PHF8: variants seen among roughly 807,000 people sequenced by gnomAD.
PHF8 encodes histone lysine demethylase PHF8.
Under a neutral mutation model 74.4 loss-of-function variants are expected in PHF8, and 9 were observed. The ratio of observed to expected loss-of-function variants is 0.12; its 90% confidence interval spans 0.07 to 0.21. The LOEUF (loss-of-function observed/expected upper bound fraction) is 0.21. Ranked by LOEUF, PHF8 falls within the 10% of genes least tolerant of loss-of-function variation. The pLI is 1.00. For synonymous variants in PHF8, 311 were observed against 316.6 expected, an observed-to-expected ratio of 0.98 and a Z score of 0.19; for missense variants, 478 against 816.6, an observed-to-expected ratio of 0.59 and a Z score of 5.05.
chrX:53,980,429 G>A (rs782687114), intron 18 of PHF8, among the ~76,000 whole-genome samples: 79 of 110,877 alleles, frequency 7.1e-4, no homozygotes, highest in African/African-American at 2.2e-3. Flanking sequence ...GCAGCAAGAC[G>A]AAGGCCATCT....
chrX:54,009,304 T>A (rs1378656036), intron 8 of PHF8, among the ~76,000 whole-genome samples: 18 of 111,639 alleles, frequency 1.6e-4, no homozygotes, highest in African/African-American at 5.9e-4. Flanking sequence ...ATATTTAAGA[T>A]GTATCTCAAT....
At chrX:54,025,323 C>T (rs1557111192) in intron 2 of PHF8, among the ~76,000 whole-genome samples, 1 of 110,836 alleles carries the variant, frequency 9.0e-6, no homozygotes, top group African/African-American at 3.3e-5. Context: ...TGCACATTCT[C>T]CCATACCCTC....
At chrX:53,988,078 G>A (rs1490026870) in intron 14 of PHF8, 134 bp from the exon 15 acceptor site, 2 of 542,070 alleles carry the variant, frequency 3.7e-6, no homozygotes, top group Non-Finnish European at 6.2e-6. Flanking sequence ...TAAATAAAAA[G>A]CTGATAGTAA....
In PHF8 at chrX:53,938,921, A is replaced by G; in HGVS notation, c.*237T>C. On this transcript the variant is annotated 3_prime_UTR_variant, in exon 22 of 22. Transcript: ENST00000338154. Reference sequence around the variant, plus strand: ...GAAAAGAGGGTTCTAGTCAGCTGGAAACCTCTCCCATTTACCTGCTCCTCA... The same window carrying G: ...GAAAAGAGGGTTCTAGTCAGCTGGAGACCTCTCCCATTTACCTGCTCCTCA... The G allele has an allele frequency of 1.0e-6, 1 of 969,959 alleles. No homozygotes were observed. The allele number at this position is 969,959 out of a possible 1,213,427, so 79.9% of individuals were successfully genotyped here.
intron 2 of PHF8, among the ~76,000 whole-genome samples, chrX:54,037,000 T>TAAAAA (rs56902207): frequency 6.0e-4 from 38 of 63,115 alleles, no homozygotes; most frequent in East Asian, 2.4e-3. Flanking sequence ...TCAGAAAAAA[T>TAAAAA]AAAAAAAAAA....
Position 54,017,704 on chromosome X carries a change from C to T in PHF8, c.411G>A (p.Leu137=), listed in dbSNP as rs782510193. The part of the protein sequence containing the change: ...VLKKDGLGMT[L]PSPSFTVRDV... Reference sequence around the variant, plus strand: ...CCCTCACAGTGAATGATGGCGAGGGCAGCGTCATGCCCAACCCATCCTTCT... The same window carrying T: ...CCCTCACAGTGAATGATGGCGAGGGTAGCGTCATGCCCAACCCATCCTTCT... Residue 137 remains leucine (L), a synonymous_variant, in exon 5 of 22, where the codon CTG becomes CTA. Transcript: ENST00000338154. 2.5e-6 allele frequency: 3 copies of T among 1,207,148 alleles called. No individual in the cohort carries two copies. In the South Asian group the frequency reaches 5.3e-5, roughly 21 times the overall value.
intron 19 of PHF8, among the ~76,000 whole-genome samples, chrX:53,945,324 G>A (rs1198996478): frequency 6.0e-5 from 6 of 100,425 alleles, no homozygotes; most frequent in Admixed American, 1.1e-4. Context: ...CAGCCTGGGC[G>A]ACACAGCAAG....
At chrX:54,019,043 CATATAGAAATTAA>C (rs1258537499) in intron 4 of PHF8, among the ~76,000 whole-genome samples, 1 of 111,881 alleles carries the variant, frequency 8.9e-6, no homozygotes, top group Non-Finnish European at 1.9e-5. Context: ...TAAACTTAAC[CATATAGAAATTAA>C]AATTTTCTCC....
chrX:54,026,215 A>G (rs1181590721), intron 2 of PHF8, among the ~76,000 whole-genome samples: 1 of 109,959 alleles, frequency 9.1e-6, no homozygotes, highest in Non-Finnish European at 1.9e-5. Flanking sequence ...TTAGCTGGGA[A>G]TGGTGGTGGG....
At chrX:53,998,092 C>T (rs1391007910) in intron 11 of PHF8, among the ~76,000 whole-genome samples, 2 of 111,675 alleles carry the variant, frequency 1.8e-5, no homozygotes, top group African/African-American at 3.3e-5. Flanking sequence ...AAAGTTAATT[C>T]GTTCACATAG....
At chrX:53,956,582 G>A (rs2065016433) in intron 19 of PHF8, among the ~76,000 whole-genome samples, 1 of 111,112 alleles carries the variant, frequency 9.0e-6, no homozygotes, top group South Asian at 3.8e-4. Flanking sequence ...CTCTGAATAT[G>A]CAAACAAATG....
intron 18 of PHF8, among the ~76,000 whole-genome samples, chrX:53,966,595 C>T (rs2065191868): frequency 1.8e-5 from 2 of 111,913 alleles, no homozygotes; most frequent in East Asian, 2.8e-4. Context: ...CCTCCACCTC[C>T]CAGCCGCCTG....
At chrX:53,987,050 G>T in intron 16 of PHF8, 28 bp downstream of exon 16, 3 of 955,698 alleles carry the variant, frequency 3.1e-6, no homozygotes, top group Non-Finnish European at 4.5e-6. Flanking sequence ...AGAATGAGCA[G>T]AAGACTAGAT....
intron 8 of PHF8, among the ~76,000 whole-genome samples, chrX:54,003,256 C>A (rs1413356754): frequency 1.8e-5 from 2 of 111,451 alleles, no homozygotes; most frequent in Non-Finnish European, 3.8e-5. Flanking sequence ...TCTTCTGGGT[C>A]CTTAATAGTT....
At chrX:54,006,136 T>TAAAACATGACTAATTGTAGAAAAATGC (rs1557105270) in intron 8 of PHF8, among the ~76,000 whole-genome samples, 4 of 111,951 alleles carry the variant, frequency 3.6e-5, no homozygotes, top group African/African-American at 1.3e-4. Flanking sequence ...TGGAAAAATG[T>TAAAACATGACTAATTGTAGAAAAATGC]AAAACATGAC....
intron 19 of PHF8, among the ~76,000 whole-genome samples, chrX:53,945,226 T>C: frequency 9.2e-6 from 1 of 108,227 alleles, no homozygotes; most frequent in Admixed American, 1.0e-4. Context: ...GTGCCTGTAG[T>C]CCCAGCTATT....
intron 2 of PHF8, among the ~76,000 whole-genome samples, chrX:54,023,171 T>C (rs781929263): frequency 9.0e-6 from 1 of 110,769 alleles, no homozygotes; most frequent in Admixed American, 9.6e-5. Flanking sequence ...GAGACGAGGT[T>C]TCACCACATT....
chrX:53,981,676 C>T (rs782109721), intron 18 of PHF8, among the ~76,000 whole-genome samples: 9 of 111,785 alleles, frequency 8.1e-5, no homozygotes, highest in Non-Finnish European at 1.3e-4. Flanking sequence ...ATAGAGAAGC[C>T]ACTGACTATA....
intron 2 of PHF8, among the ~76,000 whole-genome samples, 196 bp downstream of exon 2, chrX:54,042,435 T>C (rs2066574766): frequency 2.0e-5 from 2 of 100,316 alleles, no homozygotes; most frequent in African/African-American, 3.6e-5. Context: ...AAGAAATACA[T>C]AGGGGAAAAC....
Sources: gnomAD v4.1 joint callset for allele counts (sites outside exome capture counted in the v4.1 genomes callset) on GRCh38, gnomAD v4.1.1 for gene constraint, MANE v1.5 for transcripts, NCBI Gene and HGNC (gene_info 2026-07-23, HGNC 2026-07-21) for gene names.